The following SEC24B variants were observed in gnomAD, a reference collection of about 807,000 sequenced individuals.
The protein encoded by SEC24B is SEC24 homolog B, COPII component.
SEC24B carries 45 observed loss-of-function variants against 142.8 expected under a neutral mutation model. That is an observed-to-expected ratio of 0.32 (90% CI 0.25 to 0.40). The LOEUF is 0.40. SEC24B is among the 10% of genes least tolerant of loss of function. SEC24B has a pLI of 1.00. For synonymous variants in SEC24B, 574 were observed against 568.2 expected, an observed-to-expected ratio of 1.01 and a Z score of -0.15; for missense variants, 1,409 against 1,526.8, an observed-to-expected ratio of 0.92 and a Z score of 1.29.
chr4:109,447,195 A>C (rs1729558549), intron 1 of SEC24B, among the ~76,000 whole-genome samples: 1 of 152,134 alleles, frequency 6.6e-6, no homozygotes. Context: ...TTGAGAGGTG[A>C]AGAAGCATGG....
chr4:109,523,671 T>A (rs893273212), intron 14 of SEC24B, among the ~76,000 whole-genome samples: 1 of 152,076 alleles, frequency 6.6e-6, no homozygotes, highest in Non-Finnish European at 1.5e-5. Flanking sequence ...TAAGTAGTTA[T>A]GAGTATGAAT....
intron 22 of SEC24B, among the ~76,000 whole-genome samples, chr4:109,535,978 G>A (rs911479177): frequency 1.3e-5 from 2 of 152,124 alleles, no homozygotes; most frequent in African/African-American, 4.8e-5. Context: ...AATTTAAAGG[G>A]AAGGCTGGCC....
At position 109,500,546 on chromosome 4, in the gene SEC24B, A is replaced by C. The variant is rs1318417793; in HGVS notation, c.1488+5690A>C. Among the ~76,000 whole-genome samples the C allele has an allele frequency of 1.2e-4, 18 of 145,390 alleles. No homozygotes were observed. In the South Asian group the frequency reaches 1.5e-3, roughly 12 times the overall value. On this transcript the variant is annotated intron_variant, in intron 6 of 23. Transcript: ENST00000265175. The stretch of plus-strand genomic sequence containing the variant: ...GCAACAAGAGCAAGACTCCATCTTA[A>C]AAAAAAAAAAAAAAAAAGACAAAAC...
chr4:109,445,664 G>A (rs952070904), intron 1 of SEC24B, among the ~76,000 whole-genome samples: 1 of 151,706 alleles, frequency 6.6e-6, no homozygotes, highest in Non-Finnish European at 1.5e-5. Context: ...AATCTCCTGG[G>A]CTGAAGCAAG....
intron 1 of SEC24B, among the ~76,000 whole-genome samples, chr4:109,461,136 C>G (rs886839616): frequency 6.6e-6 from 1 of 152,094 alleles, no homozygotes; most frequent in Admixed American, 6.5e-5. Context: ...AAAAAGCAAA[C>G]AGCAGAGAAA....
intron 1 of SEC24B, among the ~76,000 whole-genome samples, chr4:109,457,883 C>T (rs890106803): frequency 6.6e-6 from 1 of 152,214 alleles, no homozygotes; most frequent in East Asian, 1.9e-4. Flanking sequence ...CTCCTCTTCC[C>T]CAGATCTTTA....
chr4:109,531,278 C>A, intron 19 of SEC24B, 107 bp from the exon 20 acceptor site: 2 of 929,260 alleles, frequency 2.2e-6, no homozygotes, highest in East Asian at 5.0e-5. Context: ...CTAGGTCTGT[C>A]TGATTTAAAG....
At chr4:109,514,206 C>G (rs760251756) in intron 10 of SEC24B, among the ~76,000 whole-genome samples, 8 of 152,088 alleles carry the variant, frequency 5.3e-5, no homozygotes, top group Non-Finnish European at 1.0e-4. Flanking sequence ...TTGCCCAAAA[C>G]TTAAGTTTTT....
chr4:109,513,571 C>T (rs1198941978), intron 9 of SEC24B, among the ~76,000 whole-genome samples, 176 bp from the exon 10 acceptor site: 7 of 152,082 alleles, frequency 4.6e-5, no homozygotes, highest in Admixed American at 2.0e-4. Context: ...CGTGAGCCAC[C>T]GCCCTGATCT....
intron 3 of SEC24B, among the ~76,000 whole-genome samples, chr4:109,476,863 C>G (rs999798791): frequency 6.6e-6 from 1 of 152,048 alleles, no homozygotes; most frequent in Non-Finnish European, 1.5e-5. Flanking sequence ...GTTGGCCGGG[C>G]GCAGTGGCTC....
At chr4:109,505,437 A>G (rs977786827) in intron 6 of SEC24B, among the ~76,000 whole-genome samples, 10 of 152,132 alleles carry the variant, frequency 6.6e-5, no homozygotes, top group African/African-American at 2.4e-4. Context: ...CATTAGAAAT[A>G]AAGATTTGTA....
At position 109,463,715 on chromosome 4, in the gene SEC24B, A is replaced by G. The variant is rs372360464; in HGVS notation, c.877+71A>G. 17 of 1,542,192 alleles carry G rather than the reference A, an allele frequency of 1.1e-5. No individual in the cohort carries two copies. In the South Asian group the frequency reaches 1.9e-4, roughly 17 times the overall value. On this transcript the variant is annotated intron_variant, in intron 2 of 23. Coordinates refer to ENST00000265175, the MANE Select transcript of SEC24B (RefSeq NM_006323.5). Reference sequence around the variant, plus strand: ...CATTCCCAATTAAGTTATTATTTACATGAAGGTTAGAGGTGATATTGCCTA... The same window carrying G: ...CATTCCCAATTAAGTTATTATTTACGTGAAGGTTAGAGGTGATATTGCCTA...
At chr4:109,489,138 T>C (rs768894952) in intron 4 of SEC24B, among the ~76,000 whole-genome samples, 8 of 152,186 alleles carry the variant, frequency 5.3e-5, no homozygotes, top group Non-Finnish European at 1.0e-4. Context: ...TTTTTTCTTT[T>C]GTTGCTTGTA....
intron 1 of SEC24B, among the ~76,000 whole-genome samples, chr4:109,440,654 T>C (rs1728853587): frequency 5.9e-5 from 9 of 152,242 alleles, no homozygotes; most frequent in Admixed American, 5.9e-4. Flanking sequence ...GGTACTATTT[T>C]TAAAGTACTT....
chr4:109,463,645 G>T lies in SEC24B; in HGVS notation c.877+1G>T. Reference sequence around the variant, plus strand: ...GCGAACAACAACCCAACCATTACTGGTAGGTTGAATGAAAAGTTCACCAAA... The same window carrying T: ...GCGAACAACAACCCAACCATTACTGTTAGGTTGAATGAAAAGTTCACCAAA... On this transcript the variant is annotated splice_donor_variant, in intron 2 of 23. Transcript: ENST00000265175. LOFTEE classifies it high-confidence loss of function. 2 of 1,604,856 alleles carry T rather than the reference G, an allele frequency of 1.2e-6. No individual in the cohort carries two copies. The highest frequency in any genetic ancestry group is 1.7e-6 in the Non-Finnish European group (2 of 1,174,256).
chr4:109,439,050 T>G (rs1463711968), intron 1 of SEC24B, among the ~76,000 whole-genome samples: 4 of 152,218 alleles, frequency 2.6e-5, no homozygotes, highest in Non-Finnish European at 4.4e-5. Flanking sequence ...CTTTTTAATT[T>G]TACTTTTAGG....
intron 1 of SEC24B, among the ~76,000 whole-genome samples, chr4:109,438,204 C>G (rs1728593950): frequency 1.3e-5 from 2 of 152,194 alleles, no homozygotes; most frequent in African/African-American, 2.4e-5. Flanking sequence ...GAGCCTAGAA[C>G]AGTATAGGCA....
rs1728092869 is a variant in SEC24B, at chr4:109,433,848, C to T, written c.-22C>T. 5 of 1,291,678 alleles carry T rather than the reference C, an allele frequency of 3.9e-6. No homozygotes were observed. The East Asian group carries it at 9.8e-5, about 25-fold the overall frequency. The allele number at this position is 1,291,678 out of a possible 1,614,324, so 80.0% of individuals were successfully genotyped here. On this transcript the variant is annotated 5_prime_UTR_variant, in exon 1 of 24. Transcript: ENST00000265175. ...TCCGCCCACCTCCCTGAAGCGGAGC[C>T]GCCGTCGCCACCAGCGCCGTCATGT... is the stretch of plus-strand genomic sequence containing the variant.
intron 4 of SEC24B, among the ~76,000 whole-genome samples, chr4:109,482,737 C>T (rs1306620964): frequency 6.6e-6 from 1 of 150,420 alleles, no homozygotes; most frequent in Non-Finnish European, 1.5e-5. Context: ...CTCCCAGGCT[C>T]AAGCCATCCT....
Sources: gnomAD v4.1 joint callset for allele counts (sites outside exome capture counted in the v4.1 genomes callset) on GRCh38, gnomAD v4.1.1 for gene constraint, MANE v1.5 for transcripts, NCBI Gene and HGNC (gene_info 2026-07-23, HGNC 2026-07-21) for gene names.